ZIM2: variants seen among roughly 807,000 people sequenced by gnomAD.
ZIM2 encodes the protein zinc finger imprinted 2.
A neutral mutation model predicts 38.6 loss-of-function variants in ZIM2; 14 were observed. The observed-to-expected ratio is 0.36, with a 90% CI of 0.24 to 0.57. The LOEUF is 0.57. Ranked by LOEUF, ZIM2 falls within the 20% of genes least tolerant of loss-of-function variation. The pLI is 0.81. For synonymous variants in ZIM2, 247 were observed against 245.8 expected (o/e 1.00, Z -0.04); for missense variants, 680 against 695.1 (o/e 0.98, Z 0.24).
rs761354466 is a variant in ZIM2, at chr19:56,816,081, A to C, written c.490+1665T>G. On this transcript the variant is annotated intron_variant, in intron 9 of 12. Transcript: ENST00000629319. ...GCCCTGCTACACTGTGACTTTTCTG[A>C]GCTTCCACAGAGGCTAAGCTATGAA... The C allele has an allele frequency of 2.5e-6, 4 of 1,603,456 alleles. No homozygotes were observed. In the South Asian group the frequency reaches 4.5e-5, roughly 18 times the overall value.
At chr19:56,834,309 G>A (rs2061862185) in intron 2 of ZIM2, among the ~76,000 whole-genome samples, 1 of 152,102 alleles carries the variant, frequency 6.6e-6, no homozygotes, top group South Asian at 2.1e-4. Context: ...CGATATCTTG[G>A]TAACCCTAAG....
Position 56,821,726 on chromosome 19 carries a change from A to C in ZIM2, c.219T>G (p.Pro73=), listed in dbSNP as rs752861459. The C allele has an allele frequency of 6.2e-7, 1 of 1,614,092 alleles. No homozygotes were observed. The highest frequency in any genetic ancestry group is 1.1e-5 in the South Asian group (1 of 91,078). The change falls in exon 7 of 13, where the codon CCT becomes CCG. Residue 73 remains proline, a synonymous_variant. Coordinates refer to ENST00000629319, the MANE Select transcript of ZIM2 (RefSeq NM_001387356.1). ...SRMPPRDLSL[P]VVAKTSFEMD... Reference sequence around the variant, plus strand: ...TTTCAAAGCTTGTTTTCGCCACCACAGGAAGGGAAAGATCCCGCGGAGGCA... The same window carrying C: ...TTTCAAAGCTTGTTTTCGCCACCACCGGAAGGGAAAGATCCCGCGGAGGCA...
In ZIM2 at chr19:56,818,198, C is replaced by T. The variant is rs374472396; in HGVS notation, c.398-360G>A. ...CTTCCTCCACCCACTCCCTTGAGGCCCCATGGCCTTACAGACCTGCAGCAC... is the reference window on the plus strand; with the variant it reads ...CTTCCTCCACCCACTCCCTTGAGGCTCCATGGCCTTACAGACCTGCAGCAC... On this transcript the variant is annotated intron_variant, in intron 8 of 12. Coordinates refer to ENST00000629319, the MANE Select transcript of ZIM2 (RefSeq NM_001387356.1). Among the ~76,000 whole-genome samples the T allele has an allele frequency of 5.3e-5, 8 of 152,310 alleles. No homozygotes were observed. In the East Asian group the frequency reaches 1.4e-3, roughly 26 times the overall value.
chr19:56,799,951 T>A (rs1275528178), intron 9 of ZIM2, among the ~76,000 whole-genome samples: 1 of 152,208 alleles, frequency 6.6e-6, no homozygotes, highest in Non-Finnish European at 1.5e-5. Context: ...GCATGCTGTG[T>A]CATTCCATTC....
At chr19:56,777,341 C>G (rs2046074733) in intron 12 of ZIM2, among the ~76,000 whole-genome samples, 1 of 152,174 alleles carries the variant, frequency 6.6e-6, no homozygotes, top group South Asian at 2.1e-4. Context: ...CTTCTGTTTT[C>G]CTTACCCTGC....
chr19:56,782,316 TGGGTTGAGG>T, intron 10 of ZIM2, 195 bp from the exon 11 acceptor site: 1 of 723,110 alleles, frequency 1.4e-6, no homozygotes, highest in Non-Finnish European at 2.2e-6. Flanking sequence ...ACTACAGATT[TGGGTTGAGG>T]GGGAAATATC....
intron 10 of ZIM2, among the ~76,000 whole-genome samples, chr19:56,787,710 G>GT (rs56289231): frequency 0.013 from 1,399 of 105,782 alleles, 27 homozygotes; most frequent in Admixed American, 0.055. Flanking sequence ...CTGGTCCTGG[G>GT]TTTTTTTTTT....
chr19:56,808,940 C>G (rs145019243), intron 9 of ZIM2, among the ~76,000 whole-genome samples: 1 of 152,238 alleles, frequency 6.6e-6, no homozygotes, highest in African/African-American at 2.4e-5. Flanking sequence ...TCTGACTGGA[C>G]ACGGGGAACC....
At position 56,814,103 on chromosome 19, in the gene ZIM2, T is replaced by A; in HGVS notation, c.490+3643A>T. On this transcript the variant is annotated intron_variant, in intron 9 of 12. Transcript: ENST00000629319. The surrounding 1 kb of genome is among the most constrained non-coding windows in gnomAD (Gnocchi z 5.8). ...CCATCTGGCTCATCAGCATCCCCAT[T>A]TGGCTGCTCGGCCTCTCCATTTGGC... 6.2e-7 allele frequency: 1 copy of A among 1,614,016 alleles called. No homozygotes were observed. Among genetic ancestry groups the A allele is most frequent in the Non-Finnish European group, 8.5e-7 (1 of 1,179,990 alleles).
At chr19:56,805,802 G>A (rs2146019642) in intron 9 of ZIM2, among the ~76,000 whole-genome samples, 1 of 152,258 alleles carries the variant, frequency 6.6e-6, no homozygotes, top group Non-Finnish European at 1.5e-5. Flanking sequence ...CTTTACAACT[G>A]CTAAACACAG....
chr19:56,817,504 A>C (rs201077992), intron 9 of ZIM2: 4 of 1,609,488 alleles, frequency 2.5e-6, no homozygotes, highest in Non-Finnish European at 2.5e-6. Flanking sequence ...TTCCATTATC[A>C]CTCCGTGGGA....
intron 3 of ZIM2, chr19:56,824,726 G>A (rs953283263): frequency 2.0e-5 from 28 of 1,418,534 alleles, no homozygotes; most frequent in South Asian, 4.0e-5. Flanking sequence ...GCCTGTGACC[G>A]TCAGTACTCA....
chr19:56,804,323 T>C (rs2047659382), intron 9 of ZIM2, among the ~76,000 whole-genome samples: 1 of 152,116 alleles, frequency 6.6e-6, no homozygotes, highest in Admixed American at 6.5e-5. Flanking sequence ...GTGGCAAAGG[T>C]GCTATTAAAG....
intron 6 of ZIM2, 111 bp downstream of exon 6, chr19:56,822,642 A>G: frequency 6.9e-7 from 1 of 1,444,722 alleles, no homozygotes; most frequent in Non-Finnish European, 9.4e-7. Context: ...GAAGCGGAAT[A>G]TACTCCAAAT....
At chr19:56,781,420 A>G (rs2046325893) in intron 11 of ZIM2, among the ~76,000 whole-genome samples, 1 of 152,212 alleles carries the variant, frequency 6.6e-6, no homozygotes. Flanking sequence ...CTGTTTCTTC[A>G]AACTCAAGCC....
chr19:56,775,325 G>C lies in ZIM2; in HGVS notation c.1040C>G (p.Thr347Arg). Residue 347 changes from threonine to arginine, a missense_variant, in exon 13 of 13, where the codon ACG becomes AGG. Coordinates refer to ENST00000629319, the MANE Select transcript of ZIM2 (RefSeq NM_001387356.1). ...CTCTTGGGATGCTGACTGGGGACTC[G>C]TACATATTCCAGGAGCAGTGCCTTC... ...PQEGTAPGICTSPQSASQENK... is the reference protein window; with the variant it reads ...PQEGTAPGICRSPQSASQENK... The C allele has an allele frequency of 6.2e-7, 1 of 1,614,134 alleles. No individual in the cohort carries two copies. Among genetic ancestry groups the C allele is most frequent in the Non-Finnish European group, 8.5e-7 (1 of 1,180,024 alleles).
At chr19:56,812,343 G>A (rs767149876) in intron 9 of ZIM2, 50 of 982,428 alleles carry the variant, frequency 5.1e-5, no homozygotes, top group Admixed American at 1.2e-4. Context: ...GAAAAAGAAG[G>A]AACAGATGTT....
At chr19:56,828,283 G>A (rs2061253786) in intron 2 of ZIM2, among the ~76,000 whole-genome samples, 1 of 152,152 alleles carries the variant, frequency 6.6e-6, no homozygotes, top group Non-Finnish European at 1.5e-5. Flanking sequence ...AATCAACTTT[G>A]AAACCTGTTA....
At chr19:56,782,255 T>C (rs1405525831) in intron 10 of ZIM2, 134 bp from the exon 11 acceptor site, 7 of 1,233,132 alleles carry the variant, frequency 5.7e-6, no homozygotes, top group East Asian at 2.5e-5. Context: ...CTTTGTCTTA[T>C]CGAGTCTGAG....
Sources: gnomAD v4.1 joint callset for allele counts (sites outside exome capture counted in the v4.1 genomes callset) on GRCh38, gnomAD v4.1.1 for gene constraint, Gnocchi (gnomAD v3.1) non-coding constraint, MANE v1.5 for transcripts, NCBI Gene and HGNC (gene_info 2026-07-23, HGNC 2026-07-21) for gene names.